Variants in ARHGEF3 observed in about 807,000 individuals in gnomAD.
The protein encoded by ARHGEF3 is Rho guanine nucleotide exchange factor 3.
A neutral mutation model predicts 63.2 loss-of-function variants in ARHGEF3; 28 were observed. The observed-to-expected ratio is 0.44, with a 90% CI of 0.33 to 0.61. The LOEUF is 0.61. Among genes scored for constraint, ARHGEF3 ranks in the 20% least tolerant of loss-of-function variants. ARHGEF3 has a pLI of 0.03. For synonymous variants in ARHGEF3, 266 were observed against 254.2 expected (o/e 1.05, Z -0.44); for missense variants, 533 against 659.3 (o/e 0.81, Z 2.10).
At chr3:56,804,348 G>C (rs1272067480), upstream of ARHGEF3, among the ~76,000 whole-genome samples, 8 of 152,184 alleles carry the variant, frequency 5.3e-5, no homozygotes, top group Non-Finnish European at 7.3e-5. Context: ...GTGATATCCA[G>C]TCCCTGTTTG....
chr3:57,013,082 C>T (rs1311359421), intron 2 of ARHGEF3, among the ~76,000 whole-genome samples: 1 of 152,240 alleles, frequency 6.6e-6, no homozygotes, highest in Non-Finnish European at 1.5e-5. Flanking sequence ...CGAATTCTCG[C>T]TGGGCCTCAG....
chr3:56,858,880 AT>A (rs2039973373), intron 4 of ARHGEF3, among the ~76,000 whole-genome samples: 1 of 152,192 alleles, frequency 6.6e-6, no homozygotes, highest in African/African-American at 2.4e-5. Context: ...GTGGATCTAC[AT>A]TTTATTTTAA....
intron 3 of ARHGEF3, among the ~76,000 whole-genome samples, chr3:56,921,354 A>G (rs563562860): frequency 1.3e-5 from 2 of 152,318 alleles, no homozygotes; most frequent in South Asian, 4.1e-4. Flanking sequence ...TTAGGTTTCT[A>G]AGACTGTTGT....
intron 4 of ARHGEF3, among the ~76,000 whole-genome samples, chr3:56,820,357 C>T (rs751359271): frequency 1.7e-4 from 26 of 151,982 alleles, no homozygotes; most frequent in Admixed American, 4.6e-4. Context: ...TTACAGAAAA[C>T]GGGGATAGAG....
chr3:57,034,523 T>C (rs1373238128), intron 2 of ARHGEF3, among the ~76,000 whole-genome samples: 1 of 152,102 alleles, frequency 6.6e-6, no homozygotes, highest in Admixed American at 6.6e-5. Flanking sequence ...ATACCAACTC[T>C]TCCTTCTAAG....
At chr3:56,820,820 T>C (rs1246888137) in intron 4 of ARHGEF3, among the ~76,000 whole-genome samples, 1 of 151,962 alleles carries the variant, frequency 6.6e-6, no homozygotes, top group East Asian at 1.9e-4. Context: ...TAGATAACAT[T>C]GAGGAATTAT....
chr3:57,024,027 C>A (rs542426544), intron 2 of ARHGEF3, among the ~76,000 whole-genome samples: 13 of 152,306 alleles, frequency 8.5e-5, no homozygotes, highest in African/African-American at 2.9e-4. Context: ...GGGTTGGTTT[C>A]TTTGTGTCAC....
intron 3 of ARHGEF3, among the ~76,000 whole-genome samples, chr3:56,889,480 C>T (rs2041040717): frequency 6.6e-6 from 1 of 152,176 alleles, no homozygotes; most frequent in Non-Finnish European, 1.5e-5. Context: ...AAGGACTATG[C>T]TCTCAGTTTA....
At chr3:56,793,373 G>A (rs367674323) in intron 1 of ARHGEF3, among the ~76,000 whole-genome samples, 8 of 152,134 alleles carry the variant, frequency 5.3e-5, no homozygotes, top group Admixed American at 2.0e-4. Context: ...GTTTCACCGC[G>A]TTAGCCAGGA....
At chr3:56,996,890 A>ATTT (rs534187681) in intron 2 of ARHGEF3, among the ~76,000 whole-genome samples, 14,155 of 136,122 alleles carry the variant, frequency 0.1, 942 homozygotes, top group Middle Eastern at 0.19. Flanking sequence ...TATTATTATT[A>ATTT]TTTTTTTTTT....
At chr3:56,854,889 C>G (rs1208662877) in intron 4 of ARHGEF3, among the ~76,000 whole-genome samples, 1 of 151,970 alleles carries the variant, frequency 6.6e-6, no homozygotes, top group Non-Finnish European at 1.5e-5. Context: ...GGGATGGACA[C>G]AAGAAGGGGT....
At chr3:56,979,221 T>C (rs895794916) in intron 2 of ARHGEF3, among the ~76,000 whole-genome samples, 9 of 152,246 alleles carry the variant, frequency 5.9e-5, no homozygotes, top group African/African-American at 1.4e-4. Context: ...GACTTACTTA[T>C]TCCACATTGT....
At chr3:56,951,373 T>C (rs978579329) in intron 3 of ARHGEF3, among the ~76,000 whole-genome samples, 3 of 152,144 alleles carry the variant, frequency 2.0e-5, no homozygotes, top group African/African-American at 7.2e-5. Context: ...GCCATCATCA[T>C]TGAGGCAAGA....
chr3:56,951,333 T>A (rs1578931688), intron 3 of ARHGEF3, among the ~76,000 whole-genome samples: 1 of 151,878 alleles, frequency 6.6e-6, no homozygotes, highest in Admixed American at 6.6e-5. Context: ...CACCCCAGCC[T>A]TCAGTAACCA....
chr3:56,806,882 G>C (rs1228314947), upstream of ARHGEF3, among the ~76,000 whole-genome samples: 1 of 150,488 alleles, frequency 6.6e-6, no homozygotes, highest in Non-Finnish European at 1.5e-5. Flanking sequence ...ATAAGGAATA[G>C]CGAGTTCCTT....
At chr3:56,920,306 G>C (rs200530385) in intron 3 of ARHGEF3, among the ~76,000 whole-genome samples, 18 of 152,264 alleles carry the variant, frequency 1.2e-4, no homozygotes, top group African/African-American at 2.9e-4. Flanking sequence ...AACCCCTCTT[G>C]TTGGGCTCTA....
In ARHGEF3 at chr3:56,981,222, G is replaced by T. The variant is rs574848657; in HGVS notation, c.63-22333C>A. Among the ~76,000 whole-genome samples the T allele has an allele frequency of 2.6e-5, 4 of 152,318 alleles. No individual in the cohort carries two copies. In the South Asian group the frequency reaches 8.3e-4, roughly 32 times the overall value. ...GGAAACACATGCCGATGTCCACACA[G>T]CTGGTTTTCCCTACAGCTGTTGGTA... On this transcript the variant is annotated intron_variant, in intron 2 of 12. Coordinates refer to the ARHGEF3 transcript ENST00000338458.
chr3:57,025,202 G>C (rs549332659), intron 2 of ARHGEF3, among the ~76,000 whole-genome samples: 4 of 152,320 alleles, frequency 2.6e-5, no homozygotes, highest in Admixed American at 6.5e-5. Flanking sequence ...GCCAGGAATG[G>C]GCCGAGATGA....
chr3:56,989,412 G>A (rs1203210283), intron 2 of ARHGEF3, among the ~76,000 whole-genome samples: 3 of 152,114 alleles, frequency 2.0e-5, no homozygotes, highest in Non-Finnish European at 4.4e-5. Flanking sequence ...CCACAGCAGT[G>A]CCCCATTTCC....
Sources: allele counts gnomAD v4.1 joint callset (sites outside exome capture counted in the v4.1 genomes callset), GRCh38; gene constraint gnomAD v4.1.1; transcripts MANE v1.5; gene names NCBI Gene and HGNC (gene_info 2026-07-23, HGNC 2026-07-21).